GMEB1: variants seen among roughly 807,000 people sequenced by gnomAD.
GMEB1 encodes the protein glucocorticoid modulatory element-binding protein 1.
GMEB1 carries 6 observed loss-of-function variants against 52.4 expected under a neutral mutation model. The ratio of observed to expected loss-of-function variants is 0.11; its 90% CI spans 0.06 to 0.23. The LOEUF (loss-of-function observed/expected upper bound fraction) is 0.23, where lower values mean the gene tolerates loss of function less well. Among genes scored for constraint, GMEB1 ranks in the 10% least tolerant of loss-of-function variants. GMEB1 has a pLI of 1.00. For synonymous variants in GMEB1, 255 were observed against 244.9 expected (o/e 1.04, Z -0.38); for missense variants, 486 against 685.6 (o/e 0.71, Z 3.25).
Position 28,714,626 on chromosome 1 carries a change from T to C in GMEB1, c.1545T>C (p.Asp515=), listed in dbSNP as rs1392822855. The part of the protein sequence containing the change: ...SEDGQTIIEI[D]PAPDPEAEDT... Reference sequence around the variant, plus strand: ...ATGGGCAGACCATCATTGAGATTGATCCAGCCCCGGACCCAGAAGCTGAAG... The same window carrying C: ...ATGGGCAGACCATCATTGAGATTGACCCAGCCCCGGACCCAGAAGCTGAAG... Residue 515 remains aspartate (D), a synonymous_variant, in exon 10 of 10, where the codon GAT becomes GAC. Transcript: ENST00000373816. 1 of 1,613,964 alleles carries C rather than the reference T, an allele frequency of 6.2e-7. No individual in the cohort carries two copies. The highest frequency in any genetic ancestry group is 8.5e-7 in the Non-Finnish European group (1 of 1,180,032).
At chr1:28,710,723 G>T (rs1671016962) in intron 9 of GMEB1, 81 bp downstream of exon 9, 2 of 1,071,178 alleles carry the variant, frequency 1.9e-6, no homozygotes, top group African/African-American at 1.9e-5. Flanking sequence ...CTTTTGTTGG[G>T]GTAACTTTTT....
intron 1 of GMEB1, among the ~76,000 whole-genome samples, chr1:28,682,085 T>C (rs774220783): frequency 6.6e-6 from 1 of 152,148 alleles, no homozygotes; most frequent in African/African-American, 2.4e-5. Flanking sequence ...CTTTACATAC[T>C]CATATATTAA....
chr1:28,692,715 C>T (rs1181916089), intron 4 of GMEB1, among the ~76,000 whole-genome samples: 3 of 152,036 alleles, frequency 2.0e-5, no homozygotes, highest in African/African-American at 7.2e-5. Flanking sequence ...ATATATTTAT[C>T]TCTGATCTCT....
chr1:28,684,801 T>C (rs909197069), intron 2 of GMEB1, among the ~76,000 whole-genome samples: 1 of 152,084 alleles, frequency 6.6e-6, no homozygotes, highest in Non-Finnish European at 1.5e-5. Flanking sequence ...CAAACCACCA[T>C]GGCACACATA....
chr1:28,701,124 C>T (rs1306054367), intron 6 of GMEB1, among the ~76,000 whole-genome samples: 2 of 152,046 alleles, frequency 1.3e-5, no homozygotes, highest in Non-Finnish European at 2.9e-5. Flanking sequence ...GACAACTGTA[C>T]TTCCTTTTTA....
At chr1:28,680,974 G>T (rs777802581) in intron 1 of GMEB1, among the ~76,000 whole-genome samples, 2 of 152,026 alleles carry the variant, frequency 1.3e-5, no homozygotes, top group Non-Finnish European at 2.9e-5. Context: ...AACCCAGAAG[G>T]CGGAGGTTAT....
At chr1:28,702,393 T>G in intron 6 of GMEB1, 45 bp from the exon 7 acceptor site, 1 of 1,574,328 alleles carries the variant, frequency 6.4e-7, no homozygotes, top group Non-Finnish European at 8.7e-7. Flanking sequence ...AGCTATAACT[T>G]TTTCGTTAAA....
chr1:28,690,436 G>A (rs547978090), intron 3 of GMEB1, among the ~76,000 whole-genome samples: 9 of 151,990 alleles, frequency 5.9e-5, no homozygotes, highest in South Asian at 2.1e-4. Flanking sequence ...ACTTTTTGTC[G>A]ATAAAAATCC....
intron 5 of GMEB1, among the ~76,000 whole-genome samples, chr1:28,695,302 G>A (rs191371283): frequency 2.6e-5 from 4 of 151,436 alleles, no homozygotes; most frequent in East Asian, 2.0e-4. Context: ...GCGTGATCTC[G>A]GCTCACTGCA....
intron 5 of GMEB1, among the ~76,000 whole-genome samples, chr1:28,695,112 G>A (rs935268072): frequency 4.6e-5 from 7 of 151,118 alleles, no homozygotes; most frequent in Non-Finnish European, 2.9e-5. Context: ...TTACAGGTGC[G>A]CGCCACCACA....
intron 1 of GMEB1, among the ~76,000 whole-genome samples, chr1:28,673,750 A>C (rs958859127): frequency 6.6e-6 from 1 of 152,124 alleles, no homozygotes; most frequent in African/African-American, 2.4e-5. Context: ...ACAGTCGCTC[A>C]GGTCTTTAAT....
intron 5 of GMEB1, among the ~76,000 whole-genome samples, chr1:28,693,668 G>A (rs1174788982): frequency 2.6e-5 from 4 of 152,012 alleles, no homozygotes; most frequent in African/African-American, 9.7e-5. Flanking sequence ...GGCCAGGCTG[G>A]TCTTGAACTC....
chr1:28,687,375 C>CAAAAAAAA lies in GMEB1; in HGVS notation c.129-2728_129-2727insAAAAAAAA, dbSNP rs1442461404. ...ACACACACACACACACACACACACA[C>CAAAAAAAA]ACACACACACACAAAAAAAGACAGT... On this transcript the variant is annotated intron_variant, in intron 2 of 9. Coordinates refer to ENST00000373816, the MANE Select transcript of GMEB1 (RefSeq NM_001319674.2). Among the ~76,000 whole-genome samples, 55 of 19,176 alleles carry CAAAAAAAA rather than the reference C, an allele frequency of 2.9e-3. 7 individuals are homozygous for CAAAAAAAA. The highest frequency in any genetic ancestry group is 0.011 in the African/African-American group (48 of 4,540). The allele number at this position is 19,176 out of a possible 152,430, so 12.6% of individuals were successfully genotyped here. A position where few individuals can be genotyped will look rare whatever the true frequency, so the allele number is the denominator to read the frequency against.
chr1:28,716,760 G>A lies in GMEB1; in HGVS notation c.*1987G>A, dbSNP rs950072774. On this transcript the variant is annotated 3_prime_UTR_variant, in exon 10 of 10. Coordinates refer to ENST00000373816, the MANE Select transcript of GMEB1 (RefSeq NM_001319674.2). Reference sequence around the variant, plus strand: ...ATGCTTTGGGGGGGGGGGTTATTTTGTTTTGTTTTGTTTTTAATGTTGTTT... The same window carrying A: ...ATGCTTTGGGGGGGGGGGTTATTTTATTTTGTTTTGTTTTTAATGTTGTTT... The A allele has an allele frequency of 3.3e-5, 5 of 150,546 alleles. No individual in the cohort carries two copies. Among genetic ancestry groups the A allele is most frequent in the Non-Finnish European group, 5.9e-5 (4 of 67,700 alleles). 9.3% of individuals were successfully genotyped at this position (150,546 alleles called of 1,614,324 possible). A position where few individuals can be genotyped will look rare whatever the true frequency, so the allele number is the denominator to read the frequency against.
chr1:28,711,274 G>C (rs986005809), intron 9 of GMEB1, among the ~76,000 whole-genome samples: 4 of 144,452 alleles, frequency 2.8e-5, no homozygotes, highest in African/African-American at 1.0e-4. Flanking sequence ...GGACAAGAAC[G>C]AGACTCTGTC....
At chr1:28,669,832 G>T (rs1668801033) in intron 1 of GMEB1, among the ~76,000 whole-genome samples, 1 of 152,158 alleles carries the variant, frequency 6.6e-6, no homozygotes, top group Non-Finnish European at 1.5e-5. Context: ...GACAGGAATT[G>T]GCCAGGTGTT....
At position 28,714,863 on chromosome 1, in the gene GMEB1, G is replaced by A. The variant is rs1671220436; in HGVS notation, c.*90G>A. 2.3e-6 allele frequency: 2 copies of A among 855,148 alleles called. No individual in the cohort carries two copies. The highest frequency in any genetic ancestry group is 3.6e-6 in the Non-Finnish European group (2 of 561,524). 53.0% of individuals were successfully genotyped at this position (855,148 alleles called of 1,614,324 possible). ...CATTGTCCCACTCATTTCCACATAG[G>A]ACCCTTTTTTAAAAAAAAAAAAACA... On this transcript the variant is annotated 3_prime_UTR_variant, in exon 10 of 10. Transcript: ENST00000373816.
At chr1:28,691,099 T>A (rs904487215) in intron 3 of GMEB1, among the ~76,000 whole-genome samples, 1 of 152,138 alleles carries the variant, frequency 6.6e-6, no homozygotes, top group African/African-American at 2.4e-5. Flanking sequence ...AAGACCAGCC[T>A]GGCCAAGATG....
At chr1:28,711,243 G>A (rs547702361) in intron 9 of GMEB1, among the ~76,000 whole-genome samples, 3 of 149,792 alleles carry the variant, frequency 2.0e-5, no homozygotes, top group African/African-American at 7.4e-5. Context: ...CCAAAATAGT[G>A]CCATTGTACT....
Sources: allele counts gnomAD v4.1 joint callset (sites outside exome capture counted in the v4.1 genomes callset), GRCh38; gene constraint gnomAD v4.1.1; transcripts MANE v1.5; gene names NCBI Gene and HGNC (gene_info 2026-07-23, HGNC 2026-07-21).